Variants in NRXN1 observed in about 807,000 individuals in gnomAD.
The protein encoded by NRXN1 is neurexin-1.
In NRXN1, 39 loss-of-function variants were observed where a neutral mutation model predicts 150.9. The observed-to-expected ratio is 0.26, with a 90% confidence interval of 0.20 to 0.34. NRXN1 has a LOEUF of 0.34. Among genes scored for constraint, NRXN1 ranks in the 10% least tolerant of loss-of-function variants. NRXN1 has a pLI of 1.00. For synonymous variants in NRXN1, 924 were observed against 757.0 expected, an observed-to-expected ratio of 1.22 and a Z score of -3.62; for missense variants, 1,815 against 1,949.9, an observed-to-expected ratio of 0.93 and a Z score of 1.30.
intron 18 of NRXN1, among the ~76,000 whole-genome samples, chr2:50,202,243 A>AC (rs745470328): frequency 2.0e-5 from 3 of 152,200 alleles, no homozygotes; most frequent in Non-Finnish European, 2.9e-5. Flanking sequence ...GCGGTGGCTC[A>AC]CGCCTGTAAT....
chr2:50,700,184 G>A (rs959588014), intron 5 of NRXN1, among the ~76,000 whole-genome samples: 1 of 152,054 alleles, frequency 6.6e-6, no homozygotes, highest in Admixed American at 6.6e-5. Flanking sequence ...AATCCAAATG[G>A]ATATCCAAAT....
At chr2:50,414,734 G>T (rs935279237) in intron 17 of NRXN1, among the ~76,000 whole-genome samples, 3 of 151,942 alleles carry the variant, frequency 2.0e-5, no homozygotes, top group African/African-American at 7.2e-5. Context: ...ATTTAAAAAG[G>T]AGAGTGTTTT....
intron 5 of NRXN1, among the ~76,000 whole-genome samples, chr2:50,900,670 T>C (rs995459004): frequency 6.6e-6 from 1 of 152,000 alleles, no homozygotes; most frequent in African/African-American, 2.4e-5. Flanking sequence ...GAAAATAATG[T>C]GGAGGAGCCT....
At chr2:50,559,677 T>A (rs956215232) in intron 8 of NRXN1, among the ~76,000 whole-genome samples, 1 of 152,166 alleles carries the variant, frequency 6.6e-6, no homozygotes, top group Non-Finnish European at 1.5e-5. Context: ...TCAAATTTAA[T>A]GTCATTGATA....
At chr2:50,728,422 C>T (rs1168761322) in intron 5 of NRXN1, among the ~76,000 whole-genome samples, 1 of 152,134 alleles carries the variant, frequency 6.6e-6, no homozygotes, top group Non-Finnish European at 1.5e-5. Context: ...TATTCAATTG[C>T]TTTTCCCTAC....
intron 5 of NRXN1, among the ~76,000 whole-genome samples, chr2:50,748,914 T>C (rs1013670212): frequency 7.2e-5 from 11 of 152,106 alleles, no homozygotes; most frequent in Non-Finnish European, 1.3e-4. Context: ...ATACAGTAAG[T>C]ATGTCTAATG....
At chr2:49,984,718 A>AACACACACACACACACACAC (rs149322054) in intron 21 of NRXN1, among the ~76,000 whole-genome samples, 6 of 146,954 alleles carry the variant, frequency 4.1e-5, no homozygotes, top group South Asian at 4.3e-4. Context: ...AGAACACACA[A>AACACACACACACACACACAC]ACACACACAC....
chr2:50,703,051 C>A, intron 5 of NRXN1, among the ~76,000 whole-genome samples: 1 of 152,082 alleles, frequency 6.6e-6, no homozygotes, highest in East Asian at 1.9e-4. Context: ...GTGACAGTCT[C>A]AACATTCTCA....
At chr2:49,971,653 CTCTT>C (rs919568041) in intron 21 of NRXN1, among the ~76,000 whole-genome samples, 1 of 152,168 alleles carries the variant, frequency 6.6e-6, no homozygotes, top group African/African-American at 2.4e-5. Context: ...GGTCTGGAGA[CTCTT>C]TCTAAAAATG....
chr2:50,515,687 A>T (rs184168199), intron 12 of NRXN1, among the ~76,000 whole-genome samples: 55 of 151,582 alleles, frequency 3.6e-4, no homozygotes, highest in African/African-American at 1.3e-3. Flanking sequence ...GTTTCTACGT[A>T]TATCAACTTT....
intron 12 of NRXN1, among the ~76,000 whole-genome samples, chr2:50,512,449 AT>A (rs1468740358): frequency 2.6e-5 from 4 of 152,242 alleles, no homozygotes; most frequent in African/African-American, 4.8e-5. Context: ...ATCACTATAA[AT>A]TTTGTTAATC....
At chr2:50,446,181 C>T (rs1029357491) in intron 17 of NRXN1, among the ~76,000 whole-genome samples, 6 of 151,890 alleles carry the variant, frequency 4.0e-5, no homozygotes, top group African/African-American at 1.5e-4. Context: ...TGCAGAAAAC[C>T]GTATCAAAAT....
intron 17 of NRXN1, among the ~76,000 whole-genome samples, chr2:50,323,881 T>C (rs1202562199): frequency 1.3e-5 from 2 of 152,100 alleles, no homozygotes; most frequent in Non-Finnish European, 2.9e-5. Flanking sequence ...CAAGTATTCA[T>C]CATACAATTC....
At chr2:50,954,699 G>C (rs899074552) in intron 2 of NRXN1, among the ~76,000 whole-genome samples, 2 of 152,196 alleles carry the variant, frequency 1.3e-5, no homozygotes, top group Admixed American at 1.3e-4. Flanking sequence ...CAGAGGGCCT[G>C]GCATGCAAAG....
intron 18 of NRXN1, among the ~76,000 whole-genome samples, chr2:50,134,081 C>A (rs558337600): frequency 3.3e-5 from 5 of 151,992 alleles, no homozygotes; most frequent in African/African-American, 1.2e-4. Flanking sequence ...GAAGATGAGC[C>A]CCTGGATATG....
chr2:50,446,675 T>C (rs982762196), intron 17 of NRXN1, among the ~76,000 whole-genome samples: 2 of 150,836 alleles, frequency 1.3e-5, no homozygotes, highest in African/African-American at 4.9e-5. Context: ...CCTAAACCCA[T>C]AGCAAATACT....
At chr2:50,075,082 G>C (rs1389247501) in intron 19 of NRXN1, among the ~76,000 whole-genome samples, 1 of 152,158 alleles carries the variant, frequency 6.6e-6, no homozygotes, top group African/African-American at 2.4e-5. Context: ...TGTATATCAG[G>C]AAAATGAGAT....
At chr2:50,265,988 TATTATTATTA>T (rs1485638638) in intron 17 of NRXN1, among the ~76,000 whole-genome samples, 20 of 93,996 alleles carry the variant, frequency 2.1e-4, no homozygotes, top group African/African-American at 4.2e-4. Flanking sequence ...TTATTATTAT[TATTATTATTA>T]TTTATTTTTT....
At chr2:50,200,614 A>T (rs1423987039) in intron 18 of NRXN1, among the ~76,000 whole-genome samples, 1 of 152,178 alleles carries the variant, frequency 6.6e-6, no homozygotes, top group Admixed American at 6.6e-5. Context: ...TCTCTAGCTA[A>T]CATTCATGCC....
Sources: allele counts gnomAD v4.1 joint callset (sites outside exome capture counted in the v4.1 genomes callset), GRCh38; gene constraint gnomAD v4.1.1; transcripts MANE v1.5; gene names NCBI Gene and HGNC (gene_info 2026-07-23, HGNC 2026-07-21).